Variants in NKAIN2 observed in about 807,000 individuals in gnomAD.
NKAIN2 encodes sodium/potassium transporting ATPase interacting 2.
In NKAIN2, 14 loss-of-function variants were observed where a neutral mutation model predicts 32.6. That is an observed-to-expected ratio of 0.43 (90% CI 0.28 to 0.67). NKAIN2 has a LOEUF of 0.67. NKAIN2 is among the 30% of genes least tolerant of loss of function. NKAIN2 has a pLI of 0.17. For synonymous variants in NKAIN2, 80 were observed against 87.2 expected (o/e 0.92, Z 0.46); for missense variants, 198 against 258.3 (o/e 0.77, Z 1.60).
intron 3 of NKAIN2, among the ~76,000 whole-genome samples, chr6:124,567,654 C>G (rs1254668611): frequency 1.3e-5 from 2 of 152,202 alleles, no homozygotes; most frequent in African/African-American, 4.8e-5. Flanking sequence ...CTGCTGATCT[C>G]AGTGAGGATC....
chr6:124,237,452 A>C (rs1293079787), intron 1 of NKAIN2, among the ~76,000 whole-genome samples: 1 of 152,146 alleles, frequency 6.6e-6, no homozygotes, highest in Non-Finnish European at 1.5e-5. Flanking sequence ...AAGCAGGGGC[A>C]ATAGAAAGCA....
At chr6:124,049,439 G>A (rs1782299670) in intron 1 of NKAIN2, among the ~76,000 whole-genome samples, 1 of 151,916 alleles carries the variant, frequency 6.6e-6, no homozygotes, top group African/African-American at 2.4e-5. Flanking sequence ...GGTTTATGAA[G>A]AGAACCTGAA....
intron 1 of NKAIN2, among the ~76,000 whole-genome samples, chr6:123,970,882 A>G (rs1344102279): frequency 6.6e-6 from 1 of 152,132 alleles, no homozygotes; most frequent in Non-Finnish European, 1.5e-5. Context: ...TCTCTGTCTC[A>G]AGAAAAAAAA....
At chr6:124,343,037 T>G (rs1250584911) in intron 2 of NKAIN2, among the ~76,000 whole-genome samples, 1 of 141,740 alleles carries the variant, frequency 7.1e-6, no homozygotes, top group Non-Finnish European at 1.5e-5. Context: ...TGTGTTCATG[T>G]GTTCTCATTG....
intron 1 of NKAIN2, among the ~76,000 whole-genome samples, chr6:124,249,500 A>G (rs1793587036): frequency 6.6e-6 from 1 of 152,104 alleles, no homozygotes; most frequent in South Asian, 2.1e-4. Flanking sequence ...AGAAGACAGG[A>G]TGAGGCTTCC....
chr6:124,425,600 C>CA (rs911966600), intron 3 of NKAIN2, among the ~76,000 whole-genome samples: 1 of 151,918 alleles, frequency 6.6e-6, no homozygotes, highest in African/African-American at 2.4e-5. Flanking sequence ...AACACAGTAG[C>CA]AAAAAAATAA....
chr6:124,123,967 A>T (rs756748570), intron 1 of NKAIN2, among the ~76,000 whole-genome samples: 49 of 151,948 alleles, frequency 3.2e-4, no homozygotes, highest in Middle Eastern at 3.4e-3. Context: ...ATACTGATTC[A>T]TCAATATCAC....
chr6:124,246,111 C>A (rs1182283011), intron 1 of NKAIN2, among the ~76,000 whole-genome samples: 1 of 151,938 alleles, frequency 6.6e-6, no homozygotes, highest in East Asian at 1.9e-4. Context: ...TGGCATTTTT[C>A]TCTGTTTTAA....
At chr6:124,276,219 T>C (rs1482792656) in intron 1 of NKAIN2, among the ~76,000 whole-genome samples, 1 of 152,030 alleles carries the variant, frequency 6.6e-6, no homozygotes, top group Non-Finnish European at 1.5e-5. Flanking sequence ...GGCAGACAAT[T>C]CTTAGTTCTA....
intron 1 of NKAIN2, among the ~76,000 whole-genome samples, chr6:123,960,704 G>A (rs1777805788): frequency 6.6e-6 from 1 of 151,702 alleles, no homozygotes; most frequent in South Asian, 2.1e-4. Flanking sequence ...CAGGCCCCCA[G>A]CCTTGCAAGG....
Sources: gnomAD v4.1 joint callset for allele counts (sites outside exome capture counted in the v4.1 genomes callset) on GRCh38, gnomAD v4.1.1 for gene constraint, MANE v1.5 for transcripts, NCBI Gene and HGNC (gene_info 2026-07-23, HGNC 2026-07-21) for gene names.